KCNK10: variants seen among roughly 807,000 people sequenced by gnomAD.
The protein encoded by KCNK10 is potassium two pore domain channel subfamily K member 10, also known as potassium channel subfamily K member 10.
KCNK10 carries 25 observed loss-of-function variants against 47.7 expected under a neutral mutation model. The observed-to-expected ratio is 0.52, with a 90% CI of 0.38 to 0.73. The LOEUF (loss-of-function observed/expected upper bound fraction) is 0.73, where lower values mean the gene tolerates loss of function less well. Ranked by LOEUF, KCNK10 falls within the 30% of genes least tolerant of loss-of-function variation. The pLI is 0.00. For missense variants in KCNK10, 563 were observed against 714.5 expected, an observed-to-expected ratio of 0.79 and a Z score of 2.42; for synonymous variants, 303 against 285.6, an observed-to-expected ratio of 1.06 and a Z score of -0.61.
At chr14:88,275,693 CAAA>C (rs71126972) in intron 1 of KCNK10, among the ~76,000 whole-genome samples, 6 of 71,966 alleles carry the variant, frequency 8.3e-5, no homozygotes, top group South Asian at 5.1e-4. Context: ...GCTAAAAATA[CAAA>C]AAAAAAAAAA....
At chr14:88,226,627 C>A (rs191391879) in intron 4 of KCNK10, among the ~76,000 whole-genome samples, 4 of 152,082 alleles carry the variant, frequency 2.6e-5, no homozygotes, top group Admixed American at 6.5e-5. Context: ...CAAATGAGTG[C>A]GAGTTAAAGG....
intron 1 of KCNK10, among the ~76,000 whole-genome samples, chr14:88,279,327 C>G (rs1160630777): frequency 6.7e-6 from 1 of 149,760 alleles, no homozygotes; most frequent in African/African-American, 2.5e-5. Context: ...ATGGTAGCTT[C>G]TACATGGTAG....
chr14:88,296,838 A>G (rs1384960346), intron 1 of KCNK10, among the ~76,000 whole-genome samples: 1 of 152,242 alleles, frequency 6.6e-6, no homozygotes, highest in African/African-American at 2.4e-5. Flanking sequence ...GGACCATTAC[A>G]TCGGCCAAAG....
chr14:88,270,999 G>A, intron 1 of KCNK10: 1 of 601,894 alleles, frequency 1.7e-6, no homozygotes, highest in South Asian at 2.0e-5. Context: ...CTTTGCCCCA[G>A]CCAAACCCAG....
intron 4 of KCNK10, among the ~76,000 whole-genome samples, chr14:88,201,214 T>C (rs1227760404): frequency 6.6e-6 from 1 of 152,234 alleles, no homozygotes; most frequent in Non-Finnish European, 1.5e-5. Flanking sequence ...CTAAGTTTTA[T>C]ACAAATGCCT....
intron 1 of KCNK10, among the ~76,000 whole-genome samples, chr14:88,318,670 T>A (rs1021969055): frequency 2.0e-5 from 3 of 152,174 alleles, no homozygotes; most frequent in East Asian, 3.9e-4. Context: ...ATTTGAGGAA[T>A]GAAAGGAAGC....
chr14:88,303,712 A>G (rs570373903), intron 1 of KCNK10, among the ~76,000 whole-genome samples: 1 of 152,298 alleles, frequency 6.6e-6, no homozygotes, highest in Admixed American at 6.5e-5. Flanking sequence ...TCAAGGTGGG[A>G]CTGGTGGGTG....
At chr14:88,257,552 T>C (rs973460661) in intron 2 of KCNK10, among the ~76,000 whole-genome samples, 1 of 152,244 alleles carries the variant, frequency 6.6e-6, no homozygotes, top group African/African-American at 2.4e-5. Context: ...CGTGTTTCTG[T>C]TCCAGTGCAT....
chr14:88,198,892 C>CTTATTTTATTTTATTCTATTTTATT (rs1885008570), intron 4 of KCNK10, among the ~76,000 whole-genome samples: 1 of 135,286 alleles, frequency 7.4e-6, no homozygotes, highest in African/African-American at 2.7e-5. Context: ...TCTCCTTTGT[C>CTTATTTTATTTTATTCTATTTTATT]TTATTTTATT....
At chr14:88,266,070 G>T (rs562704444) in intron 1 of KCNK10, among the ~76,000 whole-genome samples, 3 of 152,100 alleles carry the variant, frequency 2.0e-5, no homozygotes, top group South Asian at 4.2e-4. Flanking sequence ...ACTCCCATTA[G>T]ATTGAAAGCT....
intron 3 of KCNK10, among the ~76,000 whole-genome samples, chr14:88,235,958 GT>G (rs1886287073): frequency 6.6e-6 from 1 of 152,194 alleles, no homozygotes; most frequent in Non-Finnish European, 1.5e-5. Context: ...CTGGCATCAG[GT>G]TTCCCCCAAC....
intron 2 of KCNK10, among the ~76,000 whole-genome samples, chr14:88,259,962 TGAGA>T (rs1395123860): frequency 6.6e-6 from 1 of 152,076 alleles, no homozygotes; most frequent in Non-Finnish European, 1.5e-5. Flanking sequence ...GTTTTTGTTT[TGAGA>T]GAGTCATGCT....
At chr14:88,324,199 G>A (rs1888615428), upstream of KCNK10, among the ~76,000 whole-genome samples, 1 of 152,252 alleles carries the variant, frequency 6.6e-6, no homozygotes, top group Non-Finnish European at 1.5e-5. Context: ...ACCTGTTCCC[G>A]GAAAGGGGCT....
Position 88,320,743 on chromosome 14 carries a change from A to G in KCNK10, c.52+2004T>C, listed in dbSNP as rs200230610. Among the ~76,000 whole-genome samples the G allele has an allele frequency of 1.5e-4, 23 of 152,214 alleles. No individual in the cohort carries two copies. In the East Asian group the frequency reaches 4.3e-3, roughly 28 times the overall value. The stretch of plus-strand genomic sequence containing the variant: ...AGCAACCACCCTGGCCCATGCTACC[A>G]TTGTATCTGGTCCCCTACATCCACA... On this transcript the variant is annotated intron_variant, in intron 1 of 6. Transcript: ENST00000319231.
intron 5 of KCNK10, among the ~76,000 whole-genome samples, chr14:88,189,771 C>A (rs1884688396): frequency 6.6e-6 from 1 of 152,190 alleles, no homozygotes; most frequent in African/African-American, 2.4e-5. Flanking sequence ...ACCATCAACT[C>A]TTGTTAATGT....
intron 1 of KCNK10, among the ~76,000 whole-genome samples, chr14:88,277,890 G>T (rs780652866): frequency 1.3e-5 from 2 of 152,170 alleles, no homozygotes; most frequent in Non-Finnish European, 2.9e-5. Context: ...TCCTGCTAGA[G>T]GATAAGTTCC....
chr14:88,230,760 T>C (rs889356479), intron 3 of KCNK10, among the ~76,000 whole-genome samples: 2 of 152,278 alleles, frequency 1.3e-5, no homozygotes, highest in African/African-American at 4.8e-5. Flanking sequence ...CTGGTGAATC[T>C]AGCTGGACTC....
intron 1 of KCNK10, among the ~76,000 whole-genome samples, chr14:88,290,216 G>C (rs1159241746): frequency 6.6e-6 from 1 of 152,152 alleles, no homozygotes; most frequent in African/African-American, 2.4e-5. Context: ...GGGCCAGAGA[G>C]AGGAGGCATG....
At chr14:88,301,652 G>GGA (rs1555365274) in intron 1 of KCNK10, among the ~76,000 whole-genome samples, 1 of 145,840 alleles carries the variant, frequency 6.9e-6, no homozygotes, top group Admixed American at 6.8e-5. Flanking sequence ...AATCCTAGGA[G>GGA]AAAAAAAAAA....
Sources: allele counts gnomAD v4.1 joint callset (sites outside exome capture counted in the v4.1 genomes callset), GRCh38; gene constraint gnomAD v4.1.1; transcripts MANE v1.5; gene names NCBI Gene and HGNC (gene_info 2026-07-23, HGNC 2026-07-21).